The following COMMD10 variants were observed in gnomAD, a reference collection of about 807,000 sequenced individuals.
COMMD10 encodes COMM domain-containing protein 10.
A neutral mutation model predicts 28.9 loss-of-function variants in COMMD10; 33 were observed. The ratio of observed to expected loss-of-function variants is 1.14; its 90% CI spans 0.87 to 1.53. The LOEUF (loss-of-function observed/expected upper bound fraction) is 1.53, where lower values mean the gene tolerates loss of function less well. Ranked by LOEUF, COMMD10 falls within the 40% of genes most tolerant of loss-of-function variation. The pLI is 0.00. For missense variants in COMMD10, 310 were observed against 233.4 expected (o/e 1.33, Z -2.14); for synonymous variants, 110 against 81.7 (o/e 1.35, Z -1.87).
intron 5 of COMMD10, among the ~76,000 whole-genome samples, chr5:116,256,001 T>G (rs1750273559): frequency 6.6e-6 from 1 of 151,658 alleles, no homozygotes; most frequent in Non-Finnish European, 1.5e-5. Flanking sequence ...GATATGCATA[T>G]TGAGCTATTT....
chr5:116,227,147 G>C (rs4605830), intron 5 of COMMD10, among the ~76,000 whole-genome samples: 1 of 151,828 alleles, frequency 6.6e-6, no homozygotes, highest in African/African-American at 2.4e-5. Context: ...TAAGTTGATC[G>C]CTTAAAAAGT....
chr5:116,148,820 T>C (rs1752422086), intron 5 of COMMD10, among the ~76,000 whole-genome samples: 1 of 151,628 alleles, frequency 6.6e-6, no homozygotes, highest in African/African-American at 2.4e-5. Context: ...TTACATATAT[T>C]ATGGGATTTG....
At chr5:116,283,485 T>TA (rs1171029200) in intron 5 of COMMD10, among the ~76,000 whole-genome samples, 1 of 151,630 alleles carries the variant, frequency 6.6e-6, no homozygotes. Flanking sequence ...CAGCTGGAAT[T>TA]ACAGGCACCC....
chr5:116,205,330 T>A (rs996590140), intron 5 of COMMD10, among the ~76,000 whole-genome samples: 1 of 152,120 alleles, frequency 6.6e-6, no homozygotes, highest in Admixed American at 6.6e-5. Flanking sequence ...CCTATTTAGT[T>A]GTTGGAAGAG....
chr5:116,184,173 C>T (rs973128287), intron 5 of COMMD10, among the ~76,000 whole-genome samples: 5 of 150,714 alleles, frequency 3.3e-5, no homozygotes, highest in African/African-American at 7.3e-5. Context: ...CATAATAACA[C>T]GTAGAAAAAG....
chr5:116,196,760 TA>T (rs1196933132), intron 5 of COMMD10, among the ~76,000 whole-genome samples: 4 of 152,104 alleles, frequency 2.6e-5, no homozygotes, highest in Admixed American at 2.6e-4. Flanking sequence ...ACAGTCTATA[TA>T]ATGATTGGAA....
At chr5:116,148,442 G>A (rs1359457593) in intron 5 of COMMD10, among the ~76,000 whole-genome samples, 1 of 151,624 alleles carries the variant, frequency 6.6e-6, no homozygotes, top group South Asian at 2.1e-4. Flanking sequence ...CCATTATAAA[G>A]GGGTAATTTT....
chr5:116,217,115 G>C (rs1749123550), intron 5 of COMMD10, among the ~76,000 whole-genome samples: 2 of 150,602 alleles, frequency 1.3e-5, no homozygotes, highest in Admixed American at 6.6e-5. Flanking sequence ...AATGACCTTA[G>C]GGAAGATTTG....
chr5:116,284,001 C>T (rs111772213), intron 5 of COMMD10, among the ~76,000 whole-genome samples: 4,490 of 151,560 alleles, frequency 0.03, 318 homozygotes, highest in African/African-American at 0.11. Flanking sequence ...TGTGGAAGCG[C>T]ACTTCTAATC....
chr5:116,208,903 T>G (rs1335772329), intron 5 of COMMD10, among the ~76,000 whole-genome samples: 2 of 152,216 alleles, frequency 1.3e-5, no homozygotes, highest in African/African-American at 4.8e-5. Flanking sequence ...AGGTACTGTT[T>G]ATCCATTGTA....
chr5:116,157,147 A>C (rs1032691688), intron 5 of COMMD10, among the ~76,000 whole-genome samples: 3 of 152,130 alleles, frequency 2.0e-5, no homozygotes, highest in Admixed American at 2.0e-4. Context: ...ATGAATTTCT[A>C]GTTTTTCCTA....
At chr5:116,247,095 G>A (rs1449886519) in intron 5 of COMMD10, among the ~76,000 whole-genome samples, 2 of 151,688 alleles carry the variant, frequency 1.3e-5, no homozygotes, top group Non-Finnish European at 2.9e-5. Flanking sequence ...CTAATATCTA[G>A]TATCTATACG....
intron 5 of COMMD10, among the ~76,000 whole-genome samples, chr5:116,193,200 A>G (rs1748417008): frequency 6.6e-6 from 1 of 152,242 alleles, no homozygotes; most frequent in Non-Finnish European, 1.5e-5. Context: ...ACATTAAAAC[A>G]GAACCTCTTC....
chr5:116,132,124 A>G (rs965629139), intron 4 of COMMD10, among the ~76,000 whole-genome samples: 4 of 152,022 alleles, frequency 2.6e-5, no homozygotes, highest in African/African-American at 9.7e-5. Context: ...GTCTGGGAAT[A>G]TGTGGATGAT....
intron 5 of COMMD10, among the ~76,000 whole-genome samples, chr5:116,250,283 C>A (rs79790102): frequency 0.047 from 7,183 of 151,678 alleles, 220 homozygotes; most frequent in African/African-American, 0.09. Flanking sequence ...TCTTAATATG[C>A]ATTTGGTATA....
intron 5 of COMMD10, among the ~76,000 whole-genome samples, chr5:116,202,992 T>A (rs1748710227): frequency 1.3e-5 from 2 of 151,816 alleles, no homozygotes; most frequent in African/African-American, 2.4e-5. Context: ...ATTGCCTAGG[T>A]TTTCTTCTAG....
intron 5 of COMMD10, among the ~76,000 whole-genome samples, chr5:116,278,449 C>T (rs1055910103): frequency 1.3e-5 from 2 of 151,654 alleles, no homozygotes; most frequent in South Asian, 4.2e-4. Flanking sequence ...TCATGGATAG[C>T]ACATTGTATT....
At chr5:116,288,612 T>TA (rs1384129000) in intron 5 of COMMD10, among the ~76,000 whole-genome samples, 1 of 151,776 alleles carries the variant, frequency 6.6e-6, no homozygotes, top group Non-Finnish European at 1.5e-5. Context: ...CTAAATCCCT[T>TA]ATCATCTCTT....
chr5:116,168,244 C>A (rs1753199345), intron 5 of COMMD10, among the ~76,000 whole-genome samples: 1 of 150,558 alleles, frequency 6.6e-6, no homozygotes, highest in African/African-American at 2.4e-5. Flanking sequence ...CAAAGAAGGG[C>A]ATTACATAAT....
Sources: gnomAD v4.1 joint callset for allele counts (sites outside exome capture counted in the v4.1 genomes callset) on GRCh38, gnomAD v4.1.1 for gene constraint, MANE v1.5 for transcripts, NCBI Gene and HGNC (gene_info 2026-07-23, HGNC 2026-07-21) for gene names.